SCRN1: variants seen among roughly 807,000 people sequenced by gnomAD.
The protein encoded by SCRN1 is secernin 1.
Under a neutral mutation model 43.3 loss-of-function variants are expected in SCRN1, and 19 were observed. The ratio of observed to expected loss-of-function variants is 0.44; its 90% CI spans 0.31 to 0.64. The LOEUF is 0.64. Among genes scored for constraint, SCRN1 ranks in the 30% least tolerant of loss-of-function variants. The pLI is 0.09. For synonymous variants in SCRN1, 183 were observed against 188.9 expected (o/e 0.97, Z 0.26); for missense variants, 447 against 524.1 (o/e 0.85, Z 1.44).
At chr7:29,969,235 G>A in intron 1 of SCRN1, 167 bp from the exon 2 acceptor site, 110 of 596,554 alleles carry the variant, frequency 1.8e-4, no homozygotes, top group South Asian at 9.5e-4. Flanking sequence ...CGCCTGCAGT[G>A]GAATGACAGA....
intron 6 of SCRN1, among the ~76,000 whole-genome samples, chr7:29,932,608 C>T (rs1185914794): frequency 7.3e-6 from 1 of 136,650 alleles, no homozygotes; most frequent in Non-Finnish European, 1.5e-5. Context: ...GCCGAGATCA[C>T]GCCACTGCAC....
chr7:29,971,944 T>C (rs1203155544), intron 1 of SCRN1, among the ~76,000 whole-genome samples: 1 of 152,108 alleles, frequency 6.6e-6, no homozygotes, highest in East Asian at 1.9e-4. Flanking sequence ...TGAAAATAAT[T>C]CCCTTCTAGC....
At chr7:29,927,644 T>C (rs1036104519) in intron 6 of SCRN1, among the ~76,000 whole-genome samples, 1 of 152,138 alleles carries the variant, frequency 6.6e-6, no homozygotes, top group Non-Finnish European at 1.5e-5. Flanking sequence ...GTGCCCCATA[T>C]GTATAGGTCA....
chr7:29,969,941 C>T, intron 1 of SCRN1: 3 of 453,538 alleles, frequency 6.6e-6, no homozygotes, highest in South Asian at 4.7e-5. Context: ...TCTAATATAT[C>T]ACCAAGTCCT....
chr7:29,940,926 TAATC>T, intron 4 of SCRN1, 50 bp from the exon 5 acceptor site: 1 of 1,390,430 alleles, frequency 7.2e-7, no homozygotes, highest in Non-Finnish European at 9.4e-7. Flanking sequence ...TATAAAGACT[TAATC>T]AACAAATGGA....
At chr7:29,967,634 C>T (rs1006376244) in intron 2 of SCRN1, among the ~76,000 whole-genome samples, 13 of 152,068 alleles carry the variant, frequency 8.5e-5, no homozygotes, top group African/African-American at 2.4e-4. Context: ...AGAGACAGCC[C>T]CACTCAGGTC....
chr7:29,949,655 G>A (rs1303807333), intron 3 of SCRN1, among the ~76,000 whole-genome samples: 1 of 146,034 alleles, frequency 6.8e-6, no homozygotes, highest in Admixed American at 6.9e-5. Flanking sequence ...AAGATTATGG[G>A]GCATAACCCA....
intron 7 of SCRN1, among the ~76,000 whole-genome samples, chr7:29,925,970 T>C (rs1433596091): frequency 6.6e-6 from 1 of 152,172 alleles, no homozygotes; most frequent in African/African-American, 2.4e-5. Context: ...CTTTAAAATG[T>C]ATAGTTCAGT....
intron 2 of SCRN1, among the ~76,000 whole-genome samples, chr7:29,961,546 G>A (rs1333116412): frequency 4.0e-5 from 6 of 150,132 alleles, no homozygotes; most frequent in African/African-American, 9.8e-5. Flanking sequence ...CCACAAAGCC[G>A]CCATTGTCAT....
In SCRN1 at chr7:29,922,058, G is replaced by A. The variant is rs1037570428; in HGVS notation, c.*1899C>T. ...CTCACTTTCCCCCCCCCTTAACAGT[G>A]ATAGAAAGACACTTTTAGAATAGCC... is the stretch of plus-strand genomic sequence containing the variant. On this transcript the variant is annotated 3_prime_UTR_variant, in exon 8 of 8. Transcript: ENST00000242059. The A allele has an allele frequency of 6.6e-6, 1 of 151,972 alleles. No individual in the cohort carries two copies. The highest frequency in any genetic ancestry group is 1.5e-5 in the Non-Finnish European group (1 of 68,042). The allele number at this position is 151,972 out of a possible 1,614,324, so 9.4% of individuals were successfully genotyped here. A position where few individuals can be genotyped will look rare whatever the true frequency, so the allele number is the denominator to read the frequency against.
At chr7:29,940,654 G>T (rs1787506720) in intron 5 of SCRN1, 28 bp downstream of exon 5, 1 of 1,564,388 alleles carries the variant, frequency 6.4e-7, no homozygotes, top group African/African-American at 1.4e-5. Context: ...GTATGAGAAG[G>T]AGAATCGTGA....
rs1788465332 is a variant in SCRN1 at position 29,965,728 on chromosome 7, C to T, written c.159+3181G>A. On this transcript the variant is annotated intron_variant, in intron 2 of 7. Transcript: ENST00000242059. This position sits in a 1 kb window ranked among gnomAD's most constrained non-coding sequence, Gnocchi z 4.2. ...TAATTATGGTATATATCACACTATA[C>T]TTATGTATGGAAGGGGACAGGATTT... Among the ~76,000 whole-genome samples, 1 of 152,044 alleles carries T rather than the reference C, an allele frequency of 6.6e-6. No individual in the cohort carries two copies. Among genetic ancestry groups the T allele is most frequent in the Admixed American group, 6.5e-5 (1 of 15,272 alleles).
At chr7:29,959,365 G>C (rs979774353) in intron 2 of SCRN1, among the ~76,000 whole-genome samples, 1 of 152,168 alleles carries the variant, frequency 6.6e-6, no homozygotes, top group Non-Finnish European at 1.5e-5. Flanking sequence ...CTCTAAAGAA[G>C]CATTAATAAC....
intron 3 of SCRN1, among the ~76,000 whole-genome samples, chr7:29,945,807 T>C (rs1787718360): frequency 6.6e-6 from 1 of 152,196 alleles, no homozygotes; most frequent in South Asian, 2.1e-4. Context: ...GTACATGCCA[T>C]GTACTCAGGA....
At chr7:29,924,718 GA>G (rs896962699) in intron 7 of SCRN1, among the ~76,000 whole-genome samples, 16 of 148,502 alleles carry the variant, frequency 1.1e-4, no homozygotes, top group South Asian at 1.1e-3. Flanking sequence ...TTCATTGAAT[GA>G]AAAAAAAAAT....
chr7:29,934,685 A>G (rs992846178), intron 6 of SCRN1, among the ~76,000 whole-genome samples: 2 of 152,360 alleles, frequency 1.3e-5, no homozygotes, highest in East Asian at 1.9e-4. Flanking sequence ...ATGGCCATGG[A>G]GCCAAACATT....
chr7:29,924,439 G>A (rs959437771), intron 7 of SCRN1, among the ~76,000 whole-genome samples: 1 of 152,234 alleles, frequency 6.6e-6, no homozygotes, highest in Non-Finnish European at 1.5e-5. Flanking sequence ...ATTCACTGTA[G>A]CCCTCCAGCC....
chr7:29,942,981 C>G (rs1202164222), intron 4 of SCRN1, among the ~76,000 whole-genome samples: 1 of 152,160 alleles, frequency 6.6e-6, no homozygotes, highest in African/African-American at 2.4e-5. Context: ...GGTAGATCTT[C>G]CGCTTCTAAC....
At chr7:29,942,628 G>A (rs1375947094) in intron 4 of SCRN1, among the ~76,000 whole-genome samples, 2 of 152,172 alleles carry the variant, frequency 1.3e-5, no homozygotes, top group Non-Finnish European at 2.9e-5. Flanking sequence ...GAGACCTGGT[G>A]GGCTGCACTG....
Sources: gnomAD v4.1 joint callset for allele counts (sites outside exome capture counted in the v4.1 genomes callset) on GRCh38, gnomAD v4.1.1 for gene constraint, Gnocchi (gnomAD v3.1) non-coding constraint, MANE v1.5 for transcripts, NCBI Gene and HGNC (gene_info 2026-07-23, HGNC 2026-07-21) for gene names.